Variants in ZNF558 observed in about 807,000 individuals in gnomAD.
The protein encoded by ZNF558 is zinc finger protein 558.
Under a neutral mutation model 37.6 loss-of-function variants are expected in ZNF558, and 23 were observed. The observed-to-expected ratio is 0.61, with a 90% CI of 0.44 to 0.87. The LOEUF (loss-of-function observed/expected upper bound fraction) is 0.87. Among genes scored for constraint, ZNF558 ranks in the 40% least tolerant of loss-of-function variants. The pLI, the probability that ZNF558 is intolerant of heterozygous loss-of-function variation, is 0.00. For synonymous variants in ZNF558, 189 were observed against 174.4 expected, an observed-to-expected ratio of 1.08 and a Z score of -0.66; for missense variants, 429 against 483.7, an observed-to-expected ratio of 0.89 and a Z score of 1.06.
At chr19:8,832,728 G>A (rs1479119739), upstream of ZNF558, among the ~76,000 whole-genome samples, 1 of 151,868 alleles carries the variant, frequency 6.6e-6, no homozygotes, top group Non-Finnish European at 1.5e-5. Flanking sequence ...CGGGGCGGAT[G>A]GTATAAGGCT....
In ZNF558 at chr19:8,812,770, T is replaced by C. The variant is rs555110599; in HGVS notation, c.344-127A>G. On this transcript the variant is annotated intron_variant, in intron 8 of 9. Coordinates refer to ENST00000601372, the MANE Select transcript of ZNF558 (RefSeq NM_144693.3). ...GTTTGCAACAAAGAGGATTTGGTTA[T>C]GAAAATTTTAGGTATTAATTTTAAA... 1.3e-3 allele frequency: 768 copies of C among 579,584 alleles called. 1 individual carries two copies. Among genetic ancestry groups the C allele is most frequent in the Non-Finnish European group, 2.0e-3 (685 of 344,846 alleles). 35.9% of individuals were successfully genotyped at this position (579,584 alleles called of 1,614,324 possible).
intron 7 of ZNF558, among the ~76,000 whole-genome samples, chr19:8,818,338 G>A (rs1035541193): frequency 9.2e-5 from 14 of 152,128 alleles, no homozygotes; most frequent in African/African-American, 3.4e-4. Flanking sequence ...TGTAGTCCGA[G>A]CTACTCGGGA....
chr19:8,812,044 A>T lies in ZNF558; in HGVS notation c.446T>A (p.Val149Glu). 1 of 1,590,804 alleles carries T rather than the reference A, an allele frequency of 6.3e-7. No individual in the cohort carries two copies. The part of the protein sequence containing the change: ...GVKTERSHRG[V>E]KLNECNQCFK... ...ACACTGATTACATTCATTGAGTTTC[A>T]CTCCACGATGACTTCTTTCCTGTGG... The change falls in exon 10 of 10, where the codon GTG becomes GAG. Residue 149 changes from valine (V) to glutamate (E), a missense_variant. Transcript: ENST00000601372.
intron 7 of ZNF558, among the ~76,000 whole-genome samples, chr19:8,816,021 A>G (rs961198357): frequency 6.6e-6 from 1 of 151,512 alleles, no homozygotes; most frequent in African/African-American, 2.4e-5. Context: ...AAACTCAAGT[A>G]GAATAAATTT....
In ZNF558 at chr19:8,820,679, T is replaced by C. The variant is rs543415000; in HGVS notation, c.247+501A>G. On this transcript the variant is annotated intron_variant, in intron 7 of 9. Transcript: ENST00000601372. ...TTTTAGTGGAGATGGGGTTTCACCATGTTGGTCAGGCTGGTCTCGAACTCC... is the reference window on the plus strand; with the variant it reads ...TTTTAGTGGAGATGGGGTTTCACCACGTTGGTCAGGCTGGTCTCGAACTCC... Among the ~76,000 whole-genome samples, 5 of 152,212 alleles carry C rather than the reference T, an allele frequency of 3.3e-5. No individual in the cohort carries two copies. The East Asian group carries it at 7.8e-4, about 24-fold the overall frequency.
Position 8,822,539 on chromosome 19 carries a change from C to G in ZNF558, c.31+90G>C. On this transcript the variant is annotated intron_variant, in intron 5 of 9. Coordinates refer to ENST00000601372, the MANE Select transcript of ZNF558 (RefSeq NM_144693.3). This position sits in a 1 kb window ranked among gnomAD's most constrained non-coding sequence, Gnocchi z 4.4. The stretch of plus-strand genomic sequence containing the variant: ...CCCTGGGGCTCCACTCCTGCCTCAC[C>G]TGCTCTGCCCAACCCCGCTCGTGTC... 6.3e-7 allele frequency: 1 copy of G among 1,587,264 alleles called. No homozygotes were observed. Among genetic ancestry groups the G allele is most frequent in the Non-Finnish European group, 8.6e-7 (1 of 1,158,078 alleles).
At position 8,809,623 on chromosome 19, in the gene ZNF558, A is replaced by C. The variant is rs1555767018; in HGVS notation, c.*1658T>G. On this transcript the variant is annotated 3_prime_UTR_variant, in exon 10 of 10. Coordinates refer to ENST00000601372, the MANE Select transcript of ZNF558 (RefSeq NM_144693.3). ...CATTATGATAAACTGAATCACTCAG[A>C]AGGTATTTGGAAATAACTTTTTGAA... 2 of 152,216 alleles carry C rather than the reference A, an allele frequency of 1.3e-5. No individual in the cohort carries two copies. The highest frequency in any genetic ancestry group is 1.3e-4 in the Admixed American group (2 of 15,290). The allele number at this position is 152,216 out of a possible 1,614,324, so 9.4% of individuals were successfully genotyped here. A position where few individuals can be genotyped will look rare whatever the true frequency, so the allele number is the denominator to read the frequency against.
rs1159740180 is a variant in ZNF558 at position 8,832,201 on chromosome 19, T to C, written c.-593+8A>G. 6.6e-6 allele frequency: 1 copy of C among 152,092 alleles called. No individual in the cohort carries two copies. Among genetic ancestry groups the C allele is most frequent in the Non-Finnish European group, 1.5e-5 (1 of 67,990 alleles). 9.4% of individuals were successfully genotyped at this position (152,092 alleles called of 1,614,324 possible). On this transcript the variant is annotated splice_region_variant and intron_variant, in intron 1 of 9. Transcript: ENST00000601372. ...GGACTCGGACCCGAGCCCCCGCCAG[T>C]CGCTCACCGAGCCCGGCCCCTCCCG...
chr19:8,821,799 A>G, intron 6 of ZNF558: 1 of 1,405,554 alleles, frequency 7.1e-7, no homozygotes, highest in Non-Finnish European at 9.3e-7. Context: ...GTACTCAGGG[A>G]CCCTGGAGGG....
At chr19:8,827,300 G>A (rs2044253204) in intron 2 of ZNF558, among the ~76,000 whole-genome samples, 1 of 152,148 alleles carries the variant, frequency 6.6e-6, no homozygotes, top group Non-Finnish European at 1.5e-5. Context: ...TGACTAGTAT[G>A]GCTGAGAAAA....
chr19:8,809,107 TATAAGA>T lies in ZNF558; in HGVS notation c.*2168_*2173del, dbSNP rs1457973185. 6.6e-6 allele frequency: 1 copy of T among 152,190 alleles called. No homozygotes were observed. Among genetic ancestry groups the T allele is most frequent in the Non-Finnish European group, 1.5e-5 (1 of 68,050 alleles). 9.4% of individuals were successfully genotyped at this position (152,190 alleles called of 1,614,324 possible). A position where few individuals can be genotyped will look rare whatever the true frequency, so the allele number is the denominator to read the frequency against. On this transcript the variant is annotated 3_prime_UTR_variant, in exon 10 of 10. Coordinates refer to ENST00000601372, the MANE Select transcript of ZNF558 (RefSeq NM_144693.3). The stretch of plus-strand genomic sequence containing the variant: ...GGGTTTCTTTTAGTCACATAAGAAG[TATAAGA>T]ATAAGGAGTCCAGAGCAGATGCAGC...
intron 7 of ZNF558, 58 bp downstream of exon 7, chr19:8,821,122 G>A (rs1599274777): frequency 1.9e-6 from 3 of 1,578,020 alleles, no homozygotes; most frequent in Middle Eastern, 1.7e-4. Context: ...AGTAAGCAAA[G>A]CAGGCAAGTG....
At chr19:8,834,634 A>G (rs1460889981), upstream of ZNF558, among the ~76,000 whole-genome samples, 1 of 151,656 alleles carries the variant, frequency 6.6e-6, no homozygotes, top group Non-Finnish European at 1.5e-5. Flanking sequence ...AAACCAAAAA[A>G]AAACAAAAAA....
At chr19:8,828,555 CTGCTTCAAGACATCCT>C (rs1285489095) in intron 2 of ZNF558, among the ~76,000 whole-genome samples, 1 of 152,242 alleles carries the variant, frequency 6.6e-6, no homozygotes, top group Non-Finnish European at 1.5e-5. Context: ...TGACAAGCTC[CTGCTTCAAGACATCCT>C]TGCCCTTTTA....
rs1016462414 is a variant in ZNF558, at chr19:8,822,735, C to T, written c.-65-11G>A. ...TTATCCCGCAGCGCTCTGGAAGAAACGGGAATGCTCCAAGTCTCCGTGGCC... is the reference window on the plus strand; with the variant it reads ...TTATCCCGCAGCGCTCTGGAAGAAATGGGAATGCTCCAAGTCTCCGTGGCC... On this transcript the variant is annotated splice_polypyrimidine_tract_variant and intron_variant, in intron 4 of 9. Coordinates refer to ENST00000601372, the MANE Select transcript of ZNF558 (RefSeq NM_144693.3). This position sits in a 1 kb window ranked among gnomAD's most constrained non-coding sequence, Gnocchi z 4.4. 27 of 1,610,598 alleles carry T rather than the reference C, an allele frequency of 1.7e-5. No individual in the cohort carries two copies. The highest frequency in any genetic ancestry group is 1.7e-4 in the Middle Eastern group (1 of 6,042).
chr19:8,826,936 C>T (rs1332890664), intron 2 of ZNF558, among the ~76,000 whole-genome samples: 3 of 152,190 alleles, frequency 2.0e-5, no homozygotes, highest in African/African-American at 7.2e-5. Flanking sequence ...TCTCCTTTTT[C>T]CCCGTAACAG....
upstream of ZNF558, among the ~76,000 whole-genome samples, chr19:8,834,849 T>C (rs116947996): frequency 9.7e-4 from 148 of 152,074 alleles, 3 homozygotes; most frequent in East Asian, 0.027. Flanking sequence ...CAAAAACAGG[T>C]GGCGAAAGAA....
intron 7 of ZNF558, among the ~76,000 whole-genome samples, chr19:8,816,479 T>C (rs1462889591): frequency 1.3e-5 from 2 of 152,048 alleles, no homozygotes; most frequent in African/African-American, 2.4e-5. Flanking sequence ...AATTTCTCAA[T>C]AGAAACCATG....
chr19:8,819,006 G>A (rs1225764610), intron 7 of ZNF558, among the ~76,000 whole-genome samples: 1 of 152,154 alleles, frequency 6.6e-6, no homozygotes, highest in Non-Finnish European at 1.5e-5. Flanking sequence ...CACACCATAA[G>A]CAAAATTCAC....
Sources: gnomAD v4.1 joint callset for allele counts (sites outside exome capture counted in the v4.1 genomes callset) on GRCh38, gnomAD v4.1.1 for gene constraint, Gnocchi (gnomAD v3.1) non-coding constraint, MANE v1.5 for transcripts, NCBI Gene and HGNC (gene_info 2026-07-23, HGNC 2026-07-21) for gene names.